The following BLTP1 variants were observed in gnomAD, a reference collection of about 807,000 sequenced individuals.
BLTP1 encodes bridge-like lipid transfer protein family member 1.
chr4:122,277,553 A>G, the BLTP1 span: 2 of 953,412 alleles, frequency 2.1e-6, no homozygotes, highest in Non-Finnish European at 2.5e-6. Flanking sequence ...GGCATTGGAA[A>G]GAGCAAAAGA....
At chr4:122,289,547 G>A in the BLTP1 span, 1 of 984,154 alleles carries the variant, frequency 1.0e-6, no homozygotes, top group Non-Finnish European at 1.2e-6. Flanking sequence ...ACCAGATGAT[G>A]GCTATATGCT....
the BLTP1 span, among the ~76,000 whole-genome samples, chr4:122,324,172 T>C: frequency 6.6e-6 from 1 of 152,086 alleles, no homozygotes; most frequent in South Asian, 2.1e-4. Context: ...TGTACCCTCA[T>C]CCCTACCCCC....
the BLTP1 span, among the ~76,000 whole-genome samples, chr4:122,295,054 A>C: frequency 6.6e-6 from 1 of 152,232 alleles, no homozygotes; most frequent in Non-Finnish European, 1.5e-5. Context: ...AGACAGGCAG[A>C]AAAGAATAGA....
At chr4:122,267,582 T>G in the BLTP1 span, 4 of 944,598 alleles carry the variant, frequency 4.2e-6, no homozygotes, top group African/African-American at 3.5e-5. Flanking sequence ...TTTTATGATC[T>G]TAAGGGTTCT....
At chr4:122,269,449 A>G in the BLTP1 span, 71 of 985,118 alleles carry the variant, frequency 7.2e-5, no homozygotes, top group African/African-American at 1.2e-3. Context: ...TGAACTTGAC[A>G]TTCCTTTTAA....
At chr4:122,215,183 G>T in the BLTP1 span, 41 of 256,918 alleles carry the variant, frequency 1.6e-4, no homozygotes, top group South Asian at 4.4e-4. Flanking sequence ...TGGACATTCA[G>T]TGTTCCCTAA....
the BLTP1 span, chr4:122,331,384 C>T: frequency 1.1e-3 from 1,826 of 1,611,866 alleles, 7 homozygotes; most frequent in Middle Eastern, 2.7e-3. Flanking sequence ...ATTTACAGAA[C>T]GCTGGCCAAC....
chr4:122,346,575 A>G, the BLTP1 span: 3 of 1,591,846 alleles, frequency 1.9e-6, no homozygotes, highest in African/African-American at 2.7e-5. Flanking sequence ...ATGTGAAAAC[A>G]TTAAAGGTTT....
At chr4:122,316,366 A>G in the BLTP1 span, 4 of 472,764 alleles carry the variant, frequency 8.5e-6, no homozygotes, top group Admixed American at 2.3e-5. Context: ...TGGAAGTTCA[A>G]TAAGTGGAGA....
chr4:122,165,235 A>C, the BLTP1 span, among the ~76,000 whole-genome samples: 10 of 151,676 alleles, frequency 6.6e-5, no homozygotes, highest in Admixed American at 6.6e-4. Context: ...CCCGCACCCT[A>C]TGATAGGCCC....
At chr4:122,267,905 T>C in the BLTP1 span, among the ~76,000 whole-genome samples, 1 of 152,140 alleles carries the variant, frequency 6.6e-6, no homozygotes. Flanking sequence ...ATTGTTTCTT[T>C]CATCCTTTTT....
At chr4:122,209,302 A>G in the BLTP1 span, 15 of 1,612,888 alleles carry the variant, frequency 9.3e-6, no homozygotes, top group Non-Finnish European at 1.2e-5. Flanking sequence ...GCCAGAAAAC[A>G]GTTAAACCAA....
chr4:122,173,150 T>C, the BLTP1 span: 2 of 1,607,594 alleles, frequency 1.2e-6, no homozygotes, highest in Non-Finnish European at 1.7e-6. Context: ...TATATCCATA[T>C]TGGTGAGTTT....
chr4:122,292,452 C>CT, the BLTP1 span: 2 of 844,424 alleles, frequency 2.4e-6, no homozygotes, highest in Non-Finnish European at 2.8e-6. Context: ...ATGTAAAAAT[C>CT]TAAGATTATT....
the BLTP1 span, chr4:122,190,501 G>A: frequency 1.4e-5 from 12 of 859,962 alleles, no homozygotes; most frequent in Non-Finnish European, 1.7e-5. Flanking sequence ...TCAGGAAATG[G>A]TAAATGTAGA....
the BLTP1 span, chr4:122,183,111 G>A: frequency 2.7e-6 from 2 of 739,670 alleles, no homozygotes; most frequent in Non-Finnish European, 3.3e-6. Flanking sequence ...CTAAGTGGGA[G>A]GATTGCTTGA....
chr4:122,242,545 G>A, the BLTP1 span, among the ~76,000 whole-genome samples: 2 of 152,148 alleles, frequency 1.3e-5, no homozygotes, highest in Admixed American at 6.6e-5. Context: ...ACAAGCATTT[G>A]TAAAGGTTCA....
the BLTP1 span, chr4:122,343,694 A>T: frequency 2.1e-6 from 3 of 1,424,190 alleles, no homozygotes; most frequent in Non-Finnish European, 2.9e-6. Flanking sequence ...TCATAAGGAC[A>T]TAGCCAAGAT....
the BLTP1 span, among the ~76,000 whole-genome samples, chr4:122,267,217 C>T: frequency 6.6e-6 from 1 of 151,684 alleles, no homozygotes; most frequent in Non-Finnish European, 1.5e-5. Flanking sequence ...TGCCACCATG[C>T]CTGGCTAATG....
Sources: gnomAD v4.1 joint callset for allele counts (sites outside exome capture counted in the v4.1 genomes callset) on GRCh38, gnomAD v4.1.1 for gene constraint, MANE v1.5 for transcripts, NCBI Gene and HGNC (gene_info 2026-07-23, HGNC 2026-07-21) for gene names.